The following SCNN1B variants were observed in gnomAD, a reference collection of about 807,000 sequenced individuals.
SCNN1B encodes the protein epithelial sodium channel subunit beta.
A neutral mutation model predicts 65.3 loss-of-function variants in SCNN1B; 46 were observed. The observed-to-expected ratio is 0.70, with a 90% CI of 0.56 to 0.90. The LOEUF is 0.90. SCNN1B is among the 40% of genes least tolerant of loss of function. The pLI is 0.00. For synonymous variants in SCNN1B, 349 were observed against 330.6 expected, an observed-to-expected ratio of 1.06 and a Z score of -0.60; for missense variants, 751 against 830.5, an observed-to-expected ratio of 0.90 and a Z score of 1.18.
chr16:23,278,921 CAG>C (rs1176174113), intron 1 of SCNN1B, among the ~76,000 whole-genome samples: 4 of 150,142 alleles, frequency 2.7e-5, no homozygotes, highest in Non-Finnish European at 4.4e-5. Context: ...GCCTGGACGA[CAG>C]AGTGAGAACT....
At position 23,279,966 on chromosome 16, in the gene SCNN1B, T is replaced by G. The variant is rs144706672; in HGVS notation, n.110+1626T>G. 2.6e-5 allele frequency among the ~76,000 whole-genome samples: 4 copies of G among 152,322 alleles called. No individual in the cohort carries two copies. The East Asian group carries it at 7.7e-4, about 29-fold the overall frequency. On this transcript the variant is annotated intron_variant and non_coding_transcript_variant, in intron 1 of 3. Transcript: ENST00000569789. ...TTTCATCCTGCTGAGACTTGTCGGTTGAAAAGCCAGAAGGAATGCACCTGG... is the reference window on the plus strand; with the variant it reads ...TTTCATCCTGCTGAGACTTGTCGGTGGAAAAGCCAGAAGGAATGCACCTGG...
chr16:23,282,368 T>G (rs1232217510), intron 1 of SCNN1B, among the ~76,000 whole-genome samples: 3 of 152,200 alleles, frequency 2.0e-5, no homozygotes. Flanking sequence ...AATTTAATCT[T>G]TACAACAATA....
chr16:23,345,845 G>A (rs563476160), intron 1 of SCNN1B, among the ~76,000 whole-genome samples: 13 of 152,358 alleles, frequency 8.5e-5, no homozygotes, highest in Non-Finnish European at 1.0e-4. Flanking sequence ...CAGAGGGGGT[G>A]AGGGTCCAGC....
In SCNN1B at chr16:23,342,250, C is replaced by T. The variant is rs115131153; in HGVS notation, c.-8-6342C>T. The stretch of plus-strand genomic sequence containing the variant: ...GAAAAGACCACACATTGTGCAATTC[C>T]GTTTTTTGTTTGTTGAGACAGAGTT... On this transcript the variant is annotated intron_variant, in intron 1 of 12. Coordinates refer to ENST00000343070, the MANE Select transcript of SCNN1B (RefSeq NM_000336.3). 2.9e-3 allele frequency among the ~76,000 whole-genome samples: 441 copies of T among 152,220 alleles called. 1 individual carries two copies. Among genetic ancestry groups the T allele is most frequent in the African/African-American group, 0.01 (421 of 41,530 alleles).
At chr16:23,343,651 A>AAAGAAAGAGAAAG (rs1567304517) in intron 1 of SCNN1B, among the ~76,000 whole-genome samples, 1 of 91,132 alleles carries the variant, frequency 1.1e-5, no homozygotes, top group African/African-American at 4.8e-5. Flanking sequence ...AAGAAAGAAA[A>AAAGAAAGAGAAAG]AAAGAAAGGA....
intron 1 of SCNN1B, among the ~76,000 whole-genome samples, chr16:23,316,525 G>C (rs1020455459): frequency 3.4e-3 from 210 of 61,714 alleles, no homozygotes; most frequent in Middle Eastern, 0.029. Flanking sequence ...CCACCATCAG[G>C]ATCACCATCA....
intron 4 of SCNN1B, among the ~76,000 whole-genome samples, chr16:23,357,862 C>T (rs1260102743): frequency 6.6e-6 from 1 of 152,234 alleles, no homozygotes. Flanking sequence ...CCAACCACAC[C>T]TGCCATAAGG....
upstream of SCNN1B, among the ~76,000 whole-genome samples, chr16:23,301,359 C>CAAAAAAAA (rs369302758): frequency 5.8e-5 from 7 of 120,402 alleles, no homozygotes; most frequent in Admixed American, 1.7e-4. Context: ...GAGACTCTGT[C>CAAAAAAAA]AAAAAAAAAA....
chr16:23,361,797 T>C (rs1962558505), intron 4 of SCNN1B, among the ~76,000 whole-genome samples: 1 of 152,152 alleles, frequency 6.6e-6, no homozygotes, highest in Non-Finnish European at 1.5e-5. Context: ...GTTTGTTTGT[T>C]TGTTTTTGTT....
rs1329070184 is a variant in SCNN1B at position 23,348,899 on chromosome 16, TA to T, written c.301del (p.Ser101AlafsTer12). On this transcript the variant is annotated frameshift_variant, in exon 2 of 13. Transcript: ENST00000343070. LOFTEE classifies it high-confidence loss of function. The surrounding 1 kb of genome is among the most constrained non-coding windows in gnomAD (Gnocchi z 4.5). ...DFPAVTICNA[S>X]PFKYSKIKHL... Reference sequence around the variant, plus strand: ...TCCCTGCCGTCACCATCTGCAATGCTAGCCCCTTCAAGTAGGTGGCCCCGGA... The same window carrying T: ...TCCCTGCCGTCACCATCTGCAATGCTGCCCCTTCAAGTAGGTGGCCCCGGA... 1 of 1,614,044 alleles carries T rather than the reference TA, an allele frequency of 6.2e-7. No homozygotes were observed. The highest frequency in any genetic ancestry group is 8.5e-7 in the Non-Finnish European group (1 of 1,180,020).
At chr16:23,354,504 G>T (rs1471067387) in intron 3 of SCNN1B, among the ~76,000 whole-genome samples, 1 of 152,278 alleles carries the variant, frequency 6.6e-6, no homozygotes, top group African/African-American at 2.4e-5. Context: ...GCGATGACTT[G>T]GATGTCATGA....
In SCNN1B at chr16:23,380,672, C is replaced by G. The variant is rs1344988708; in HGVS notation, c.1794C>G (p.Ser598Arg). ...FGFQPDTAPRSPNTGPYPSEQ... is the reference protein window; with the variant it reads ...FGFQPDTAPRRPNTGPYPSEQ... ...TCCAGCCTGACACGGCCCCCCGCAG[C>G]CCCAACACTGGGCCCTACCCCAGTG... Residue 598 changes from serine to arginine, a missense_variant, in exon 13 of 13, where the codon AGC (serine) becomes AGG (arginine). Physicochemically the swap from Ser to Arg is moderately radical, Grantham distance 110 (BLOSUM62 -1). Transcript: ENST00000343070. This position sits in a 1 kb window ranked among gnomAD's most constrained non-coding sequence, Gnocchi z 5.4. The G allele has an allele frequency of 1.9e-6, 3 of 1,612,518 alleles. No homozygotes were observed. In the Admixed American group the frequency reaches 5.0e-5, roughly 27 times the overall value.
chr16:23,358,695 C>T (rs1962469692), intron 4 of SCNN1B: 1 of 152,146 alleles, frequency 6.6e-6, no homozygotes, highest in Non-Finnish European at 1.5e-5. Context: ...TCGCTTGAGA[C>T]CAGGGGTTCG....
intron 1 of SCNN1B, among the ~76,000 whole-genome samples, chr16:23,314,167 A>C (rs997862332): frequency 6.6e-6 from 1 of 152,010 alleles, no homozygotes; most frequent in Admixed American, 6.6e-5. Flanking sequence ...CTGCAGGTGC[A>C]CACCACTACG....
At chr16:23,301,133 G>A (rs1287717554), upstream of SCNN1B, among the ~76,000 whole-genome samples, 2 of 152,046 alleles carry the variant, frequency 1.3e-5, no homozygotes, top group Non-Finnish European at 2.9e-5. Context: ...GGAGCCCGAG[G>A]CGGGTGGATC....
chr16:23,329,744 T>C (rs1961771707), intron 1 of SCNN1B, among the ~76,000 whole-genome samples: 1 of 152,250 alleles, frequency 6.6e-6, no homozygotes, highest in Non-Finnish European at 1.5e-5. Flanking sequence ...TGTATCTTTA[T>C]TGCATCTTTT....
chr16:23,341,454 A>G (rs1962053387), intron 1 of SCNN1B, among the ~76,000 whole-genome samples: 1 of 152,196 alleles, frequency 6.6e-6, no homozygotes, highest in Non-Finnish European at 1.5e-5. Context: ...ATATAGAGAA[A>G]TTTGGCATCA....
intron 1 of SCNN1B, chr16:23,304,125 C>G: frequency 6.6e-7 from 1 of 1,510,318 alleles, no homozygotes; most frequent in Non-Finnish European, 8.9e-7. Context: ...TCAGCATCTT[C>G]TATAAATTGT....
chr16:23,380,416 C>T lies in SCNN1B; in HGVS notation c.1543-5C>T, dbSNP rs753580594. On this transcript the variant is annotated splice_region_variant and splice_polypyrimidine_tract_variant and intron_variant, in intron 12 of 12. Coordinates refer to ENST00000343070, the MANE Select transcript of SCNN1B (RefSeq NM_000336.3). This position sits in a 1 kb window ranked among gnomAD's most constrained non-coding sequence, Gnocchi z 5.4. ...GAGCTCACCCCAGCTCCCTGTTCCC[C>T]ACAGATCGTCTGGCTGCTCTCGAAT... The T allele has an allele frequency of 1.9e-6, 3 of 1,614,168 alleles. No individual in the cohort carries two copies. The highest frequency in any genetic ancestry group is 1.7e-5 in the Admixed American group (1 of 60,030).
Sources: gnomAD v4.1 joint callset for allele counts (sites outside exome capture counted in the v4.1 genomes callset) on GRCh38, gnomAD v4.1.1 for gene constraint, Gnocchi (gnomAD v3.1) non-coding constraint, MANE v1.5 for transcripts, NCBI Gene and HGNC (gene_info 2026-07-23, HGNC 2026-07-21) for gene names.